The following PAPPA2 variants were observed in gnomAD, a reference collection of about 807,000 sequenced individuals.
The protein encoded by PAPPA2 is pappalysin-2.
In PAPPA2, 86 loss-of-function variants were observed where a neutral mutation model predicts 176.4. The ratio of observed to expected loss-of-function variants is 0.49; its 90% confidence interval spans 0.41 to 0.58. The LOEUF (loss-of-function observed/expected upper bound fraction) is 0.58. Ranked by LOEUF, PAPPA2 falls within the 20% of genes least tolerant of loss-of-function variation. The pLI is 0.00. For synonymous variants in PAPPA2, 809 were observed against 852.2 expected (o/e 0.95, Z 0.88); for missense variants, 2,073 against 2,256.9 (o/e 0.92, Z 1.65).
At chr1:176,582,623 T>G (rs939847238) in intron 2 of PAPPA2, among the ~76,000 whole-genome samples, 1 of 151,892 alleles carries the variant, frequency 6.6e-6, no homozygotes, top group African/African-American at 2.4e-5. Context: ...TTGATCATAG[T>G]GTATGTTTTT....
intron 1 of PAPPA2, among the ~76,000 whole-genome samples, chr1:176,552,184 T>C (rs2102582848): frequency 6.6e-6 from 1 of 152,174 alleles, no homozygotes. Context: ...CCTCACCATC[T>C]CTTTCTAGTT....
chr1:176,529,489 G>A (rs1416120836), intron 1 of PAPPA2, among the ~76,000 whole-genome samples: 10 of 151,930 alleles, frequency 6.6e-5, no homozygotes, highest in Non-Finnish European at 1.5e-4. Flanking sequence ...TTGAAGTACT[G>A]GGGATGTCAG....
intron 14 of PAPPA2, among the ~76,000 whole-genome samples, chr1:176,753,559 T>TC (rs1462751211): frequency 2.7e-5 from 4 of 147,858 alleles, no homozygotes; most frequent in Non-Finnish European, 6.0e-5. Context: ...TCCTCCTTTT[T>TC]TTTTTTTTTT....
In PAPPA2 at chr1:176,690,382, T is replaced by C. The variant is rs1558521733; in HGVS notation, c.2383T>C (p.Phe795Leu). ...AGAGCCCACTAGTGACACCTGTGGC[T>C]TCACTCGCTTCCCAGGGGCTCCGTT... ...EPEPTSDTCGFTRFPGAPFTN... is the reference protein window; with the variant it reads ...EPEPTSDTCGLTRFPGAPFTN... Residue 795 changes from phenylalanine (F) to leucine (L), a missense_variant, in exon 5 of 23, where the codon TTC (phenylalanine) becomes CTC (leucine). Coordinates refer to ENST00000367662, the MANE Select transcript of PAPPA2 (RefSeq NM_020318.3). 3.7e-6 allele frequency: 6 copies of C among 1,614,138 alleles called. No homozygotes were observed. The highest frequency in any genetic ancestry group is 4.2e-6 in the Non-Finnish European group (5 of 1,180,014).
intron 1 of PAPPA2, among the ~76,000 whole-genome samples, chr1:176,555,150 C>T (rs563077968): frequency 6.6e-6 from 1 of 152,154 alleles, no homozygotes; most frequent in East Asian, 1.9e-4. Context: ...AGCGTCTGTC[C>T]CCTGTGCCTT....
chr1:176,709,691 G>C (rs1661052163), intron 10 of PAPPA2, among the ~76,000 whole-genome samples: 1 of 151,958 alleles, frequency 6.6e-6, no homozygotes, highest in African/African-American at 2.4e-5. Context: ...TCCACACCCA[G>C]TCTACAGCTG....
intron 17 of PAPPA2, among the ~76,000 whole-genome samples, chr1:176,773,887 C>A (rs574962744): frequency 3.9e-4 from 60 of 152,240 alleles, no homozygotes; most frequent in South Asian, 1.2e-3. Context: ...TCTGATGTCC[C>A]TGTTCCAGCT....
chr1:176,752,454 T>A (rs992482519), intron 14 of PAPPA2, among the ~76,000 whole-genome samples: 3 of 151,540 alleles, frequency 2.0e-5, no homozygotes, highest in African/African-American at 7.3e-5. Flanking sequence ...CATATACATA[T>A]AATTAACATA....
At chr1:176,695,972 G>A (rs774349772) in intron 7 of PAPPA2, 113 bp downstream of exon 7, 45 of 481,822 alleles carry the variant, frequency 9.3e-5, no homozygotes, top group East Asian at 6.5e-4. Flanking sequence ...GTGTATGTGT[G>A]TGTGTGTGTG....
At chr1:176,824,609 A>C (rs1197150959) in intron 21 of PAPPA2, among the ~76,000 whole-genome samples, 2 of 152,188 alleles carry the variant, frequency 1.3e-5, no homozygotes, top group South Asian at 2.1e-4. Context: ...GAACAAACAG[A>C]GATGAAATTG....
chr1:176,832,176 G>C (rs901664489), intron 21 of PAPPA2, among the ~76,000 whole-genome samples: 6 of 152,150 alleles, frequency 3.9e-5, no homozygotes, highest in African/African-American at 1.4e-4. Flanking sequence ...GTCAGGCATT[G>C]TGCTATGTGT....
intron 1 of PAPPA2, among the ~76,000 whole-genome samples, chr1:176,547,279 C>T (rs1650691596): frequency 6.6e-6 from 1 of 152,238 alleles, no homozygotes; most frequent in East Asian, 1.9e-4. Flanking sequence ...CCACTGCCAC[C>T]CACCTACCAA....
chr1:176,700,665 C>T (rs1235974609), intron 8 of PAPPA2, among the ~76,000 whole-genome samples: 2 of 152,174 alleles, frequency 1.3e-5, no homozygotes, highest in Admixed American at 6.5e-5. Context: ...CTTTTCAAAT[C>T]TTTGCTTTAT....
intron 19 of PAPPA2, among the ~76,000 whole-genome samples, chr1:176,791,961 G>A (rs1297037885): frequency 2.6e-5 from 4 of 152,204 alleles, no homozygotes; most frequent in Admixed American, 6.5e-5. Context: ...GCCTAGACCA[G>A]ATGGATTTGT....
chr1:176,817,558 A>G (rs1666453667), intron 21 of PAPPA2, among the ~76,000 whole-genome samples: 1 of 152,150 alleles, frequency 6.6e-6, no homozygotes, highest in Non-Finnish European at 1.5e-5. Flanking sequence ...AGAGAGAAAT[A>G]GTGACAGCCC....
intron 3 of PAPPA2, among the ~76,000 whole-genome samples, chr1:176,607,293 T>G (rs1419045341): frequency 1.3e-5 from 2 of 152,202 alleles, no homozygotes; most frequent in Non-Finnish European, 2.9e-5. Flanking sequence ...ACTCTGCTGT[T>G]GAACAGTAGC....
At chr1:176,746,184 A>G (rs1306797334) in intron 14 of PAPPA2, among the ~76,000 whole-genome samples, 3 of 152,186 alleles carry the variant, frequency 2.0e-5, no homozygotes, top group Non-Finnish European at 2.9e-5. Flanking sequence ...CCATCTACTG[A>G]AGAAAAAAGT....
intron 1 of PAPPA2, among the ~76,000 whole-genome samples, chr1:176,490,289 A>T (rs1652835627): frequency 6.6e-6 from 1 of 152,124 alleles, no homozygotes; most frequent in Non-Finnish European, 1.5e-5. Flanking sequence ...TATCCCTTCC[A>T]GGGGAATTTA....
chr1:176,801,670 A>G, intron 21 of PAPPA2, among the ~76,000 whole-genome samples: 1 of 151,974 alleles, frequency 6.6e-6, no homozygotes. Flanking sequence ...GAGGCCAGGG[A>G]AGGAGGGAGA....
Sources: allele counts gnomAD v4.1 joint callset (sites outside exome capture counted in the v4.1 genomes callset), GRCh38; gene constraint gnomAD v4.1.1; transcripts MANE v1.5; gene names NCBI Gene and HGNC (gene_info 2026-07-23, HGNC 2026-07-21).